Variants in ABCD2 observed in about 807,000 individuals in gnomAD.
ABCD2 encodes ATP binding cassette subfamily D member 2, also known as ATP-binding cassette sub-family D member 2.
In ABCD2, 36 loss-of-function variants were observed where a neutral mutation model predicts 70.9. The observed-to-expected ratio is 0.51, with a 90% CI of 0.39 to 0.67. The LOEUF is 0.67. Ranked by LOEUF, ABCD2 falls within the 30% of genes least tolerant of loss-of-function variation. The pLI is 0.00. For synonymous variants in ABCD2, 304 were observed against 306.9 expected (o/e 0.99, Z 0.10); for missense variants, 729 against 890.2 (o/e 0.82, Z 2.30).
the ABCD2 span, among the ~76,000 whole-genome samples, chr12:39,536,419 A>G: frequency 6.6e-6 from 1 of 152,234 alleles, no homozygotes; most frequent in South Asian, 2.1e-4. Context: ...GAAGGGTCAA[A>G]TATATTCTCA....
At chr12:39,604,145 A>G (rs1941939003) in intron 4 of ABCD2, 139 bp from the exon 5 acceptor site, 1 of 643,024 alleles carries the variant, frequency 1.6e-6, no homozygotes. Flanking sequence ...AAATGTAAAT[A>G]TAGATATCCA....
chr12:39,590,600 G>A lies in ABCD2; in HGVS notation c.1647-4303C>T, dbSNP rs151228205. On this transcript the variant is annotated intron_variant, in intron 6 of 9. Transcript: ENST00000308666. ...TACAATTCTTTCAAATGTATATATAGTTAAAATTCAATTATAATAGTAAAA... is the reference window on the plus strand; with the variant it reads ...TACAATTCTTTCAAATGTATATATAATTAAAATTCAATTATAATAGTAAAA... Among the ~76,000 whole-genome samples, 737 of 151,878 alleles carry A rather than the reference G, an allele frequency of 4.9e-3. 3 individuals are homozygous for A. Among genetic ancestry groups the A allele is most frequent in the Non-Finnish European group, 8.3e-3 (565 of 67,926 alleles).
At chr12:39,612,087 A>G (rs1281838354) in intron 2 of ABCD2, among the ~76,000 whole-genome samples, 2 of 152,194 alleles carry the variant, frequency 1.3e-5, no homozygotes, top group South Asian at 2.1e-4. Context: ...AAAGCCAGAC[A>G]AAGATATGGA....
chr12:39,562,351 C>A (rs1275021136), intron 9 of ABCD2, among the ~76,000 whole-genome samples: 1 of 151,022 alleles, frequency 6.6e-6, no homozygotes. Flanking sequence ...AGAGTGGAAA[C>A]AAATAAAATA....
the ABCD2 span, among the ~76,000 whole-genome samples, chr12:39,533,097 G>A: frequency 2.0e-4 from 31 of 151,990 alleles, no homozygotes; most frequent in African/African-American, 3.4e-4. Flanking sequence ...CCTGGGAAGC[G>A]GAGATTGCAG....
chr12:39,594,563 A>G (rs1941789306), intron 6 of ABCD2, among the ~76,000 whole-genome samples: 1 of 152,236 alleles, frequency 6.6e-6, no homozygotes, highest in Admixed American at 6.5e-5. Context: ...AGAAGTGGAA[A>G]TGCCATCAAA....
intron 9 of ABCD2, among the ~76,000 whole-genome samples, chr12:39,568,808 G>A (rs946021322): frequency 2.6e-5 from 4 of 152,084 alleles, no homozygotes; most frequent in African/African-American, 9.7e-5. Flanking sequence ...GGGTTTTGGT[G>A]TTCATGTCCT....
intron 9 of ABCD2, among the ~76,000 whole-genome samples, chr12:39,561,212 A>G (rs1476352550): frequency 6.6e-6 from 1 of 150,394 alleles, no homozygotes; most frequent in Non-Finnish European, 1.5e-5. Context: ...CCTGGCCAAC[A>G]TGGTGAAACC....
chr12:39,569,466 C>A (rs1941413934), intron 9 of ABCD2, among the ~76,000 whole-genome samples: 1 of 152,198 alleles, frequency 6.6e-6, no homozygotes, highest in Admixed American at 6.5e-5. Flanking sequence ...TTTGCTAGGA[C>A]TGTTGGAAAA....
intron 8 of ABCD2, among the ~76,000 whole-genome samples, chr12:39,576,395 A>G (rs1941517806): frequency 6.6e-6 from 1 of 151,962 alleles, no homozygotes; most frequent in South Asian, 2.1e-4. Context: ...TCCTGTCCTC[A>G]TGATCCACCC....
chr12:39,565,252 T>G (rs1941326701), intron 9 of ABCD2, among the ~76,000 whole-genome samples: 1 of 152,222 alleles, frequency 6.6e-6, no homozygotes, highest in Non-Finnish European at 1.5e-5. Context: ...TGATTCTTCC[T>G]ACCCATGAGC....
At position 39,552,697 on chromosome 12, in the gene ABCD2, T is replaced by A. The variant is rs1941104894; in HGVS notation, c.*1215A>T. On this transcript the variant is annotated 3_prime_UTR_variant, in exon 10 of 10. Coordinates refer to ENST00000308666, the MANE Select transcript of ABCD2 (RefSeq NM_005164.4). ...GCAGAACAATGATCTTTGCACTTTGTACTTAATTTTCATTTCTTGTAAACA... is the reference window on the plus strand; with the variant it reads ...GCAGAACAATGATCTTTGCACTTTGAACTTAATTTTCATTTCTTGTAAACA... 6.6e-6 allele frequency: 1 copy of A among 151,978 alleles called. No homozygotes were observed. The highest frequency in any genetic ancestry group is 1.5e-5 in the Non-Finnish European group (1 of 67,876). 9.4% of individuals were successfully genotyped at this position (151,978 alleles called of 1,614,324 possible). A position where few individuals can be genotyped will look rare whatever the true frequency, so the allele number is the denominator to read the frequency against.
At chr12:39,597,827 G>A (rs1297066713) in intron 6 of ABCD2, among the ~76,000 whole-genome samples, 2 of 152,082 alleles carry the variant, frequency 1.3e-5, no homozygotes, top group Non-Finnish European at 2.9e-5. Context: ...TAGGATAAAG[G>A]GAAGCTGTTA....
intron 7 of ABCD2, among the ~76,000 whole-genome samples, chr12:39,583,823 G>A (rs1031054809): frequency 6.6e-6 from 1 of 152,098 alleles, no homozygotes; most frequent in South Asian, 2.1e-4. Context: ...ATTGCCTCCA[G>A]CTCCATTCAT....
In ABCD2 at chr12:39,586,033, C is replaced by T. The variant is rs1395935193; in HGVS notation, c.1792+119G>A. The T allele has an allele frequency of 2.3e-5, 21 of 894,818 alleles. No homozygotes were observed. The East Asian group carries it at 4.9e-4, about 21-fold the overall frequency. The allele number at this position is 894,818 out of a possible 1,614,324, so 55.4% of individuals were successfully genotyped here. ...ACAGCAATAAAACTCCATCTTTACA[C>T]TTATGTGCTTATTTCCGATTATAGC... On this transcript the variant is annotated intron_variant, in intron 7 of 9. Transcript: ENST00000308666.
intron 8 of ABCD2, among the ~76,000 whole-genome samples, chr12:39,576,167 G>T (rs1941513330): frequency 6.6e-6 from 1 of 152,002 alleles, no homozygotes; most frequent in Admixed American, 6.6e-5. Flanking sequence ...TGTTGTTGTT[G>T]TTGTTGTTTT....
At chr12:39,588,383 C>T (rs1941695423) in intron 6 of ABCD2, among the ~76,000 whole-genome samples, 1 of 151,988 alleles carries the variant, frequency 6.6e-6, no homozygotes, top group South Asian at 2.1e-4. Context: ...CTGGATTAAC[C>T]AGATGAGTCC....
chr12:39,613,385 C>CAAAAA lies in ABCD2; in HGVS notation c.1120+3598_1120+3602dup, dbSNP rs71075064. 3.2e-3 allele frequency among the ~76,000 whole-genome samples: 76 copies of CAAAAA among 23,622 alleles called. 1 individual carries two copies. Among genetic ancestry groups the CAAAAA allele is most frequent in the Middle Eastern group, 0.083 (1 of 12 alleles). The allele number at this position is 23,622 out of a possible 152,430, so 15.5% of individuals were successfully genotyped here. ...TGGGCGACAGAGCGAGACTCCGTCT[C>CAAAAA]AAAAAAAAAAAAAAAAAAAAAAAAA... On this transcript the variant is annotated intron_variant, in intron 2 of 9. Transcript: ENST00000308666.
At chr12:39,566,112 C>T (rs1052721151) in intron 9 of ABCD2, among the ~76,000 whole-genome samples, 7 of 151,944 alleles carry the variant, frequency 4.6e-5, no homozygotes, top group South Asian at 2.1e-4. Flanking sequence ...TGTCTCTGCC[C>T]GGCTTTGGTA....
Sources: allele counts gnomAD v4.1 joint callset (sites outside exome capture counted in the v4.1 genomes callset), GRCh38; gene constraint gnomAD v4.1.1; transcripts MANE v1.5; gene names NCBI Gene and HGNC (gene_info 2026-07-23, HGNC 2026-07-21).